The following AQR variants were observed in gnomAD, a reference collection of about 807,000 sequenced individuals.
AQR encodes the protein RNA helicase aquarius.
In AQR, 61 loss-of-function variants were observed where a neutral mutation model predicts 180.5. That is an observed-to-expected ratio of 0.34 (90% CI 0.28 to 0.42). The LOEUF is 0.42. Among genes scored for constraint, AQR ranks in the 10% least tolerant of loss-of-function variants. The probability of loss-of-function intolerance (pLI) is 1.00; values close to 1 mark genes in which losing one functional copy is unlikely to be tolerated. For missense variants in AQR, 1,281 were observed against 1,798.3 expected, an observed-to-expected ratio of 0.71 and a Z score of 5.20; for synonymous variants, 551 against 588.8, an observed-to-expected ratio of 0.94 and a Z score of 0.93.
At chr15:34,866,651 G>A (rs1892741418) in intron 32 of AQR, among the ~76,000 whole-genome samples, 1 of 152,120 alleles carries the variant, frequency 6.6e-6, no homozygotes, top group African/African-American at 2.4e-5. Flanking sequence ...ATAAACCATA[G>A]TGACAGTCCA....
chr15:34,866,992 A>G (rs1359985295), intron 32 of AQR, among the ~76,000 whole-genome samples: 1 of 152,126 alleles, frequency 6.6e-6, no homozygotes, highest in East Asian at 1.9e-4. Context: ...ATAAAACTAA[A>G]TGGATGCTTT....
At chr15:34,891,040 C>T (rs982130984) in intron 23 of AQR, among the ~76,000 whole-genome samples, 1 of 152,166 alleles carries the variant, frequency 6.6e-6, no homozygotes, top group Non-Finnish European at 1.5e-5. Flanking sequence ...AAACATCTCA[C>T]TTTCACTAGT....
chr15:34,935,724 T>C (rs550392264), intron 9 of AQR, among the ~76,000 whole-genome samples: 1 of 152,302 alleles, frequency 6.6e-6, no homozygotes, highest in African/African-American at 2.4e-5. Context: ...TAGAAAAACA[T>C]GATCAGAGAA....
chr15:34,897,722 TC>T lies in AQR; in HGVS notation c.2244-18del. On this transcript the variant is annotated intron_variant, in intron 20 of 34. Transcript: ENST00000156471. The stretch of plus-strand genomic sequence containing the variant: ...AAAGTTATCCTACAAGACCAAAACT[TC>T]TGTTCATTTTTGCAATTAACAAGGA... 1 of 1,613,012 alleles carries T rather than the reference TC, an allele frequency of 6.2e-7. No homozygotes were observed. The highest frequency in any genetic ancestry group is 8.5e-7 in the Non-Finnish European group (1 of 1,179,660).
At chr15:34,958,308 AGT>A in intron 3 of AQR, among the ~76,000 whole-genome samples, 1 of 152,178 alleles carries the variant, frequency 6.6e-6, no homozygotes, top group South Asian at 2.1e-4. Context: ...TGAGCTCAGG[AGT>A]GAGAGCAGCC....
intron 5 of AQR, among the ~76,000 whole-genome samples, chr15:34,947,112 G>C (rs533154293): frequency 1.1e-3 from 173 of 152,162 alleles, no homozygotes; most frequent in Admixed American, 1.7e-3. Flanking sequence ...GATGGTTGCC[G>C]TGTCTGTGTA....
At chr15:34,914,496 A>T (rs1893550477) in intron 16 of AQR, among the ~76,000 whole-genome samples, 1 of 152,148 alleles carries the variant, frequency 6.6e-6, no homozygotes, top group Non-Finnish European at 1.5e-5. Context: ...ACTTTCTTCC[A>T]CAGAATCTAT....
chr15:34,920,528 T>C, intron 13 of AQR, 94 bp from the exon 14 acceptor site: 3 of 891,578 alleles, frequency 3.4e-6, no homozygotes, highest in Middle Eastern at 5.2e-4. Flanking sequence ...AAAGCAAATA[T>C]AATACTATGA....
At chr15:34,952,636 T>C (rs527536771) in intron 4 of AQR, among the ~76,000 whole-genome samples, 2 of 152,308 alleles carry the variant, frequency 1.3e-5, no homozygotes, top group African/African-American at 4.8e-5. Flanking sequence ...CAAGTTTGAG[T>C]TCAGAAATTA....
At chr15:34,873,210 C>T (rs1165475478) in intron 30 of AQR, among the ~76,000 whole-genome samples, 2 of 152,026 alleles carry the variant, frequency 1.3e-5, no homozygotes, top group Non-Finnish European at 2.9e-5. Context: ...TCTTTCCAAA[C>T]TTGCCCAATT....
chr15:34,942,986 G>C, intron 6 of AQR: 3 of 1,382,436 alleles, frequency 2.2e-6, no homozygotes, highest in South Asian at 1.3e-5. Context: ...TTTAGTTTCT[G>C]ATAAAAAAAT....
chr15:34,919,500 T>C (rs1351410502), intron 14 of AQR, among the ~76,000 whole-genome samples: 2 of 152,230 alleles, frequency 1.3e-5, no homozygotes, highest in African/African-American at 2.4e-5. Context: ...AAAATTATTT[T>C]CTTTTGTTGG....
Position 34,904,436 on chromosome 15 carries a change from T to C in AQR, c.1901A>G (p.Tyr634Cys). 1.2e-6 allele frequency: 2 copies of C among 1,612,660 alleles called. No homozygotes were observed. The highest frequency in any genetic ancestry group is 1.7e-6 in the Non-Finnish European group (2 of 1,179,142). Residue 634 changes from tyrosine to cysteine, a missense_variant, in exon 19 of 35, where the codon TAT (tyrosine) becomes TGT (cysteine). Tyr to Cys is a radical substitution (Grantham distance 194, BLOSUM62 -2). Transcript: ENST00000156471. Reference sequence around the variant, plus strand: ...TATAGTATTGGTCATATCTTGTTGATACTGGTTTGGATCCAAAAACACTCT... The same window carrying C: ...TATAGTATTGGTCATATCTTGTTGACACTGGTTTGGATCCAAAAACACTCT... The part of the protein sequence containing the change: ...TFRVFLDPNQ[Y>C]QQDMTNTIQN...
intron 2 of AQR, 58 bp from the exon 3 acceptor site, chr15:34,960,872 GAC>G: frequency 3.2e-6 from 2 of 631,684 alleles, no homozygotes; most frequent in East Asian, 4.3e-5. Context: ...ACCCTAAATT[GAC>G]AGTTTTTAAT....
At chr15:34,952,651 C>T (rs1894250951) in intron 4 of AQR, among the ~76,000 whole-genome samples, 1 of 152,208 alleles carries the variant, frequency 6.6e-6, no homozygotes, top group South Asian at 2.1e-4. Flanking sequence ...AAATTATTCA[C>T]CACATGCTAG....
At chr15:34,905,098 G>A (rs1177004983) in intron 18 of AQR, among the ~76,000 whole-genome samples, 1 of 144,276 alleles carries the variant, frequency 6.9e-6, no homozygotes, top group Non-Finnish European at 1.5e-5. Context: ...CTCTTTTTTG[G>A]GGGGGGTGGG....
At chr15:34,959,710 C>T (rs1208599153) in intron 3 of AQR, among the ~76,000 whole-genome samples, 2 of 152,246 alleles carry the variant, frequency 1.3e-5, no homozygotes, top group Non-Finnish European at 2.9e-5. Context: ...CACATCCAAA[C>T]ATCAAGTCTC....
intron 30 of AQR, among the ~76,000 whole-genome samples, chr15:34,873,586 A>G (rs1223075484): frequency 6.6e-6 from 1 of 152,138 alleles, no homozygotes; most frequent in Non-Finnish European, 1.5e-5. Flanking sequence ...CAAGCTTAGG[A>G]AGACCTTTCT....
Position 34,860,042 on chromosome 15 carries a change from C to T in AQR, c.4143G>A (p.Gln1381=). The change falls in exon 34 of 35, where the codon CAG becomes CAA. Residue 1381 remains glutamine (Q), a splice_region_variant and synonymous_variant. Transcript: ENST00000156471. ...HLIQTTHHYH[Q]TLLQLPPAMV... ...TAAAAGTCGATTTTGAGAAACTCACCTGATGATAATGATGTGTAGTCTGTA... is the reference window on the plus strand; with the variant it reads ...TAAAAGTCGATTTTGAGAAACTCACTTGATGATAATGATGTGTAGTCTGTA... 2.2e-6 allele frequency: 3 copies of T among 1,355,200 alleles called. No homozygotes were observed. The highest frequency in any genetic ancestry group is 2.9e-6 in the Non-Finnish European group (3 of 1,028,510). The allele number at this position is 1,355,200 out of a possible 1,614,324, so 83.9% of individuals were successfully genotyped here. A position where few individuals can be genotyped will look rare whatever the true frequency, so the allele number is the denominator to read the frequency against.
Sources: allele counts gnomAD v4.1 joint callset (sites outside exome capture counted in the v4.1 genomes callset), GRCh38; gene constraint gnomAD v4.1.1; transcripts MANE v1.5; gene names NCBI Gene and HGNC (gene_info 2026-07-23, HGNC 2026-07-21).